The following RYR2 variants were observed in gnomAD, a reference collection of about 807,000 sequenced individuals.
The protein encoded by RYR2 is cardiac muscle ryanodine receptor-calcium release channel.
RYR2 carries 227 observed loss-of-function variants against 601.1 expected under a neutral mutation model. That is an observed-to-expected ratio of 0.38 (90% CI 0.34 to 0.42). The LOEUF is 0.42. Ranked by LOEUF, RYR2 falls within the 10% of genes least tolerant of loss-of-function variation. The probability of loss-of-function intolerance (pLI) is 1.00; values close to 1 mark genes in which losing one functional copy is unlikely to be tolerated. For missense variants in RYR2, 4,646 were observed against 6,156.5 expected, an observed-to-expected ratio of 0.75 and a Z score of 8.21; for synonymous variants, 2,223 against 2,175.1, an observed-to-expected ratio of 1.02 and a Z score of -0.61.
intron 12 of RYR2, among the ~76,000 whole-genome samples, chr1:237,438,217 C>T (rs1395915969): frequency 2.0e-5 from 3 of 151,962 alleles, no homozygotes; most frequent in Non-Finnish European, 4.4e-5. Flanking sequence ...TATTTTTGAA[C>T]ATATTTTATA....
At chr1:237,368,332 G>C (rs1700364854) in intron 5 of RYR2, among the ~76,000 whole-genome samples, 1 of 152,078 alleles carries the variant, frequency 6.6e-6, no homozygotes, top group Non-Finnish European at 1.5e-5. Flanking sequence ...AAAACTACTG[G>C]AGGCTTTCCT....
At chr1:237,436,452 TCC>T (rs1491130741) in intron 12 of RYR2, among the ~76,000 whole-genome samples, 2 of 128,708 alleles carry the variant, frequency 1.6e-5, no homozygotes, top group Non-Finnish European at 3.2e-5. Flanking sequence ...TGTGTGATTT[TCC>T]TTTTTTTTTT....
chr1:237,573,667 C>T (rs1394207596), intron 29 of RYR2, among the ~76,000 whole-genome samples: 2 of 151,084 alleles, frequency 1.3e-5, no homozygotes, highest in African/African-American at 2.4e-5. Context: ...AAAAAATTAG[C>T]CCAGCGTGGT....
intron 2 of RYR2, among the ~76,000 whole-genome samples, chr1:237,305,929 T>C (rs1572539481): frequency 6.6e-6 from 1 of 152,206 alleles, no homozygotes; most frequent in South Asian, 2.1e-4. Context: ...TTTTGGAATA[T>C]ATGATACAAA....
At chr1:237,460,873 A>G (rs1451058465) in intron 16 of RYR2, among the ~76,000 whole-genome samples, 1 of 152,180 alleles carries the variant, frequency 6.6e-6, no homozygotes, top group Non-Finnish European at 1.5e-5. Flanking sequence ...TCAGCATCGC[A>G]TATTGTTGTT....
intron 1 of RYR2, among the ~76,000 whole-genome samples, chr1:237,170,646 A>G (rs1267683319): frequency 6.6e-6 from 1 of 152,256 alleles, no homozygotes; most frequent in Non-Finnish European, 1.5e-5. Flanking sequence ...TGAGGATACA[A>G]GAAAGAAATT....
intron 29 of RYR2, among the ~76,000 whole-genome samples, chr1:237,583,476 G>GA (rs151056036): frequency 0.21 from 31,410 of 151,970 alleles, 3,858 homozygotes; most frequent in South Asian, 0.37. Flanking sequence ...TTCCTCATCT[G>GA]AAAAAATGGG....
intron 80 of RYR2, among the ~76,000 whole-genome samples, chr1:237,746,710 C>T (rs1268884182): frequency 6.6e-6 from 1 of 151,972 alleles, no homozygotes; most frequent in Non-Finnish European, 1.5e-5. Context: ...GGAGCTACTT[C>T]TCTATCAAAA....
intron 70 of RYR2, 47 bp downstream of exon 70, chr1:237,709,614 C>A (rs775315849): frequency 9.4e-6 from 11 of 1,173,826 alleles, no homozygotes; most frequent in Non-Finnish European, 1.4e-5. Flanking sequence ...TTGTAGGCAC[C>A]TGCTTACTTG....
chr1:237,663,113 G>A lies in RYR2; in HGVS notation c.8436+2166G>A, dbSNP rs193163601. Among the ~76,000 whole-genome samples, 451 of 152,262 alleles carry A rather than the reference G, an allele frequency of 3.0e-3. 1 individual carries two copies. Among genetic ancestry groups the A allele is most frequent in the African/African-American group, 0.01 (427 of 41,548 alleles). On this transcript the variant is annotated intron_variant, in intron 56 of 104. Coordinates refer to ENST00000366574, the MANE Select transcript of RYR2 (RefSeq NM_001035.3). ...GAAATGGGGAGCAATATACACCAAA[G>A]GCCACAAGTCTATTTATAACTTGCC...
At chr1:237,673,221 G>A (rs1425444772) in intron 58 of RYR2, among the ~76,000 whole-genome samples, 2 of 152,100 alleles carry the variant, frequency 1.3e-5, no homozygotes, top group African/African-American at 2.4e-5. Flanking sequence ...CATGTTTTAC[G>A]AATGTTAGAT....
At chr1:237,137,648 C>A (rs1022061451) in intron 1 of RYR2, among the ~76,000 whole-genome samples, 2 of 152,082 alleles carry the variant, frequency 1.3e-5, no homozygotes, top group African/African-American at 4.8e-5. Flanking sequence ...ATAAGATGTG[C>A]GACGTGGCAT....
intron 1 of RYR2, among the ~76,000 whole-genome samples, chr1:237,043,412 G>A (rs1413341615): frequency 6.6e-6 from 1 of 152,204 alleles, no homozygotes; most frequent in African/African-American, 2.4e-5. Flanking sequence ...TAAGGGCAGG[G>A]TGGCTGCCCG....
chr1:237,148,460 T>G (rs1009280265), intron 1 of RYR2, among the ~76,000 whole-genome samples: 3 of 149,436 alleles, frequency 2.0e-5, no homozygotes, highest in East Asian at 4.0e-4. Context: ...CCATGGCACA[T>G]GTATACCTAC....
intron 1 of RYR2, among the ~76,000 whole-genome samples, chr1:237,245,872 C>T (rs1312597885): frequency 1.3e-5 from 2 of 152,004 alleles, no homozygotes; most frequent in East Asian, 3.9e-4. Flanking sequence ...ACCTCTGCCT[C>T]CCAGGTTGCA....
At chr1:237,379,475 G>A (rs1413373905) in intron 8 of RYR2, among the ~76,000 whole-genome samples, 1 of 152,010 alleles carries the variant, frequency 6.6e-6, no homozygotes, top group Non-Finnish European at 1.5e-5. Context: ...ATGAGATAAT[G>A]GATTTAAATA....
At chr1:237,056,431 T>TTGGAGCACTGCAACTGTGAGGAC (rs1317289927) in intron 1 of RYR2, among the ~76,000 whole-genome samples, 72 of 73,008 alleles carry the variant, frequency 9.9e-4, no homozygotes, top group Non-Finnish European at 3.9e-4. Context: ...CCTGTGAGGA[T>TTGGAGCACTGCAACTGTGAGGAC]TGGAGCACTG....
chr1:237,090,771 G>A (rs954619931), intron 1 of RYR2, among the ~76,000 whole-genome samples: 22 of 152,138 alleles, frequency 1.4e-4, no homozygotes, highest in African/African-American at 5.3e-4. Context: ...ATTTTTGAAT[G>A]CAAAACAACT....
intron 29 of RYR2, among the ~76,000 whole-genome samples, chr1:237,573,969 G>A (rs2779412): frequency 0.65 from 98,690 of 151,838 alleles, 33,346 homozygotes; most frequent in Non-Finnish European, 0.73. Context: ...AAGGAGCAAG[G>A]CTCTCATTCC....
Sources: gnomAD v4.1 joint callset for allele counts (sites outside exome capture counted in the v4.1 genomes callset) on GRCh38, gnomAD v4.1.1 for gene constraint, MANE v1.5 for transcripts, NCBI Gene and HGNC (gene_info 2026-07-23, HGNC 2026-07-21) for gene names.